Variants in KLHL7 observed in about 807,000 individuals in gnomAD.
KLHL7 encodes kelch like family member 7.
A neutral mutation model predicts 67.4 loss-of-function variants in KLHL7; 44 were observed. The ratio of observed to expected loss-of-function variants is 0.65; its 90% CI spans 0.51 to 0.84. The LOEUF is 0.84. Among genes scored for constraint, KLHL7 ranks in the 40% least tolerant of loss-of-function variants. The pLI is 0.00. For missense variants in KLHL7, 362 were observed against 718.1 expected, an observed-to-expected ratio of 0.50 and a Z score of 5.67; for synonymous variants, 252 against 243.3, an observed-to-expected ratio of 1.04 and a Z score of -0.33.
chr7:23,119,320 T>C (rs1783232831), intron 1 of KLHL7, among the ~76,000 whole-genome samples: 1 of 152,182 alleles, frequency 6.6e-6, no homozygotes. Flanking sequence ...TTCTCATGCC[T>C]CAGCCTCCTG....
chr7:23,131,732 TC>T (rs1783806986), intron 4 of KLHL7, among the ~76,000 whole-genome samples: 2 of 117,198 alleles, frequency 1.7e-5, no homozygotes, highest in South Asian at 2.4e-4. Flanking sequence ...TCTTATTTAT[TC>T]TTTTTTTTTT....
At chr7:23,116,933 C>G (rs1783111797) in intron 1 of KLHL7, among the ~76,000 whole-genome samples, 1 of 152,132 alleles carries the variant, frequency 6.6e-6, no homozygotes, top group South Asian at 2.1e-4. Context: ...GCAAGAAATA[C>G]TCTTGCTGAT....
chr7:23,153,383 C>T (rs1784600352), intron 7 of KLHL7, among the ~76,000 whole-genome samples: 1 of 152,158 alleles, frequency 6.6e-6, no homozygotes, highest in Non-Finnish European at 1.5e-5. Flanking sequence ...AAGTGAAGGG[C>T]TACTGGATAA....
intron 1 of KLHL7, chr7:23,106,740 G>T (rs1782657715): frequency 1.0e-6 from 1 of 990,586 alleles, no homozygotes; most frequent in Non-Finnish European, 1.2e-6. Context: ...GGAGCTCTTT[G>T]TTCTGTCCTT....
chr7:23,109,189 C>T (rs10235467), intron 1 of KLHL7, among the ~76,000 whole-genome samples: 68,386 of 152,084 alleles, frequency 0.45, 17,383 homozygotes, highest in African/African-American at 0.7. Flanking sequence ...CTCCGCATCC[C>T]TGCCATCACT....
At chr7:23,152,239 G>A (rs375207829) in intron 7 of KLHL7, 30 bp downstream of exon 7, 2 of 1,608,526 alleles carry the variant, frequency 1.2e-6, no homozygotes, top group Non-Finnish European at 1.7e-6. Context: ...GGTTTTTGTT[G>A]TTGTCTTTGA....
chr7:23,147,837 C>A (rs879437863), intron 6 of KLHL7, among the ~76,000 whole-genome samples: 4 of 152,188 alleles, frequency 2.6e-5, no homozygotes, highest in African/African-American at 9.7e-5. Context: ...CATATAAATT[C>A]TCAAAAGAGG....
chr7:23,108,445 T>G (rs1201081478), intron 1 of KLHL7, among the ~76,000 whole-genome samples: 1 of 152,124 alleles, frequency 6.6e-6, no homozygotes, highest in East Asian at 1.9e-4. Flanking sequence ...GGGATACATA[T>G]AAGAGGGCAC....
At chr7:23,154,649 G>T (rs758715785) in intron 7 of KLHL7, among the ~76,000 whole-genome samples, 4 of 152,188 alleles carry the variant, frequency 2.6e-5, no homozygotes, top group Non-Finnish European at 5.9e-5. Context: ...CAGGATGCCT[G>T]CAGCTTAGAT....
rs914127651 is a variant in KLHL7 at position 23,173,909 on chromosome 7, A to G, written c.1478-106A>G. Reference sequence around the variant, plus strand: ...ATTACAGTTTTTCTGTGTGTTTGACATTTTTCACAATAAAATATTGGAAAA... The same window carrying G: ...ATTACAGTTTTTCTGTGTGTTTGACGTTTTTCACAATAAAATATTGGAAAA... On this transcript the variant is annotated intron_variant, in intron 10 of 10. Transcript: ENST00000339077. 9 of 1,169,398 alleles carry G rather than the reference A, an allele frequency of 7.7e-6. No individual in the cohort carries two copies. In the South Asian group the frequency reaches 1.1e-4, roughly 14 times the overall value. 72.4% of individuals were successfully genotyped at this position (1,169,398 alleles called of 1,614,324 possible).
Position 23,144,992 on chromosome 7 carries a change from A to G in KLHL7, c.793+967A>G, listed in dbSNP as rs543240772. ...ATGTGCCTGTGGTCCCAACTACTCCAGTGGCTGAGGCAGGAGGATTGCTTG... is the reference window on the plus strand; with the variant it reads ...ATGTGCCTGTGGTCCCAACTACTCCGGTGGCTGAGGCAGGAGGATTGCTTG... On this transcript the variant is annotated intron_variant, in intron 6 of 10. Coordinates refer to ENST00000339077, the MANE Select transcript of KLHL7 (RefSeq NM_001031710.3). Among the ~76,000 whole-genome samples, 6 of 151,464 alleles carry G rather than the reference A, an allele frequency of 4.0e-5. No homozygotes were observed. The South Asian group carries it at 1.3e-3, about 32-fold the overall frequency.
chr7:23,132,728 G>T (rs1183953591), intron 4 of KLHL7, among the ~76,000 whole-genome samples: 1 of 152,152 alleles, frequency 6.6e-6, no homozygotes, highest in Admixed American at 6.6e-5. Context: ...CCAGATCAGT[G>T]TCCTGGAGAT....
At chr7:23,121,996 T>G (rs1783370931) in intron 1 of KLHL7, among the ~76,000 whole-genome samples, 1 of 152,206 alleles carries the variant, frequency 6.6e-6, no homozygotes, top group African/African-American at 2.4e-5. Flanking sequence ...CATCTCTTAT[T>G]GGAAATTATC....
intron 4 of KLHL7, among the ~76,000 whole-genome samples, chr7:23,132,069 G>A (rs536675857): frequency 1.9e-4 from 29 of 152,118 alleles, no homozygotes; most frequent in South Asian, 1.7e-3. Context: ...GGACACTTAC[G>A]TTGCTTCCAA....
At chr7:23,149,158 G>A (rs970895100) in intron 6 of KLHL7, among the ~76,000 whole-genome samples, 1 of 152,154 alleles carries the variant, frequency 6.6e-6, no homozygotes, top group African/African-American at 2.4e-5. Context: ...CCACCACAAA[G>A]GGCCAGGCCA....
intron 7 of KLHL7, among the ~76,000 whole-genome samples, chr7:23,161,108 G>A (rs982461917): frequency 1.7e-4 from 26 of 151,814 alleles, no homozygotes; most frequent in South Asian, 6.2e-4. Flanking sequence ...TTGTATTTTC[G>A]TTGTTATTTT....
At chr7:23,140,024 A>G (rs1450344657) in intron 4 of KLHL7, among the ~76,000 whole-genome samples, 1 of 152,080 alleles carries the variant, frequency 6.6e-6, no homozygotes, top group Non-Finnish European at 1.5e-5. Context: ...GACTCCTGAC[A>G]TAAAAGTTTA....
rs957968576 is a variant in KLHL7, at chr7:23,174,106, T to C, written c.1569T>C (p.Cys523=). 6.2e-7 allele frequency: 1 copy of C among 1,614,198 alleles called. No individual in the cohort carries two copies. The highest frequency in any genetic ancestry group is 8.5e-7 in the Non-Finnish European group (1 of 1,180,008). Residue 523 remains cysteine (C), a synonymous_variant, in exon 11 of 11, where the codon TGT becomes TGC. Coordinates refer to ENST00000339077, the MANE Select transcript of KLHL7 (RefSeq NM_001031710.3). ...PMPWKGVTVK[C]AAVGSIVYVL... ...CATGGAAGGGTGTAACAGTGAAATG[T>C]GCAGCAGTTGGCTCTATAGTTTATG... is the stretch of plus-strand genomic sequence containing the variant.
Position 23,105,894 on chromosome 7 carries a change from C to T in KLHL7, c.-133C>T. Reference sequence around the variant, plus strand: ...GTGGCCGAGCCACCGCCGCCTGCCGCGCGTTCCAGAGCTGGGCGCTGCAGC... The same window carrying T: ...GTGGCCGAGCCACCGCCGCCTGCCGTGCGTTCCAGAGCTGGGCGCTGCAGC... On this transcript the variant is annotated 5_prime_UTR_variant, in exon 1 of 11. Coordinates refer to ENST00000339077, the MANE Select transcript of KLHL7 (RefSeq NM_001031710.3). The T allele has an allele frequency of 1.4e-6, 2 of 1,394,064 alleles. No homozygotes were observed. Among genetic ancestry groups the T allele is most frequent in the South Asian group, 2.5e-5 (2 of 80,472 alleles). The allele number at this position is 1,394,064 out of a possible 1,614,324, so 86.4% of individuals were successfully genotyped here.
Sources: allele counts gnomAD v4.1 joint callset (sites outside exome capture counted in the v4.1 genomes callset), GRCh38; gene constraint gnomAD v4.1.1; transcripts MANE v1.5; gene names NCBI Gene and HGNC (gene_info 2026-07-23, HGNC 2026-07-21).